The following RGL1 variants were observed in gnomAD, a reference collection of about 807,000 sequenced individuals.
RGL1 encodes the protein ral guanine nucleotide dissociation stimulator-like 1.
RGL1 carries 24 observed loss-of-function variants against 95.2 expected under a neutral mutation model. The observed-to-expected ratio is 0.25, with a 90% CI of 0.18 to 0.35. RGL1 has a LOEUF of 0.35. Among genes scored for constraint, RGL1 ranks in the 10% least tolerant of loss-of-function variants. RGL1 has a pLI of 1.00. For synonymous variants in RGL1, 329 were observed against 344.9 expected, an observed-to-expected ratio of 0.95 and a Z score of 0.51; for missense variants, 715 against 936.3, an observed-to-expected ratio of 0.76 and a Z score of 3.08.
rs145327436 is a variant in RGL1, at chr1:183,708,313, C to T, written c.-32-33813C>T. Among the ~76,000 whole-genome samples, 762 of 152,162 alleles carry T rather than the reference C, an allele frequency of 5.0e-3. 5 individuals carry two copies. The highest frequency in any genetic ancestry group is 0.011 in the Admixed American group (164 of 15,284). Reference sequence around the variant, plus strand: ...GGCCGGAGGGAGATGATAAAAGGAGCGATCGTCACTGCTGCCTTTTTCAAG... The same window carrying T: ...GGCCGGAGGGAGATGATAAAAGGAGTGATCGTCACTGCTGCCTTTTTCAAG... On this transcript the variant is annotated intron_variant, in intron 1 of 18. Transcript: ENST00000304685.
chr1:183,759,155 T>C (rs1247519722), intron 2 of RGL1, among the ~76,000 whole-genome samples: 2 of 152,148 alleles, frequency 1.3e-5, no homozygotes, highest in Admixed American at 1.3e-4. Flanking sequence ...ACAAAGGTTA[T>C]TACACTTGCA....
intron 4 of RGL1, among the ~76,000 whole-genome samples, chr1:183,872,238 A>C (rs1666223268): frequency 6.6e-6 from 1 of 152,222 alleles, no homozygotes; most frequent in Non-Finnish European, 1.5e-5. Flanking sequence ...GAATGTAAAG[A>C]AGGGATATTA....
At chr1:183,791,036 A>C (rs1055518216) in intron 2 of RGL1, among the ~76,000 whole-genome samples, 15 of 152,166 alleles carry the variant, frequency 9.9e-5, no homozygotes, top group Admixed American at 6.5e-5. Flanking sequence ...AGCATTAGCT[A>C]TTCACTCATC....
intron 1 of RGL1, among the ~76,000 whole-genome samples, chr1:183,658,951 TG>T (rs1651403257): frequency 6.6e-6 from 1 of 151,856 alleles, no homozygotes; most frequent in African/African-American, 2.4e-5. Flanking sequence ...AAACAGGGTC[TG>T]GAGTGGACCT....
intron 1 of RGL1, among the ~76,000 whole-genome samples, chr1:183,657,925 A>T (rs956133887): frequency 3.3e-5 from 5 of 152,172 alleles, no homozygotes; most frequent in East Asian, 1.9e-4. Flanking sequence ...AAAGTGTTTC[A>T]ATTTCTCCAC....
intron 13 of RGL1, 123 bp downstream of exon 13, chr1:183,905,094 C>A: frequency 7.9e-7 from 1 of 1,265,684 alleles, no homozygotes; most frequent in Non-Finnish European, 1.1e-6. Flanking sequence ...GGTTCCAGGT[C>A]CTTGGTTTTC....
intron 1 of RGL1, among the ~76,000 whole-genome samples, chr1:183,734,710 A>T (rs569197369): frequency 6.6e-6 from 1 of 152,356 alleles, no homozygotes; most frequent in South Asian, 2.1e-4. Context: ...TGTGATTTAC[A>T]GTTTTGTCTT....
chr1:183,792,701 A>C (rs1660494164), intron 2 of RGL1, among the ~76,000 whole-genome samples: 1 of 152,122 alleles, frequency 6.6e-6, no homozygotes, highest in Non-Finnish European at 1.5e-5. Flanking sequence ...AAGCAACCCC[A>C]TTTATGATAG....
chr1:183,705,015 T>C (rs1654816239), intron 1 of RGL1, among the ~76,000 whole-genome samples: 1 of 152,028 alleles, frequency 6.6e-6, no homozygotes, highest in Admixed American at 6.5e-5. Flanking sequence ...AAAGGTTTGG[T>C]GAGGTCTAGG....
intron 15 of RGL1, among the ~76,000 whole-genome samples, chr1:183,912,524 T>C (rs1019310410): frequency 6.6e-6 from 1 of 152,076 alleles, no homozygotes; most frequent in African/African-American, 2.4e-5. Flanking sequence ...GGCACTGGAG[T>C]TATTTAGGGG....
intron 3 of RGL1, among the ~76,000 whole-genome samples, chr1:183,859,240 G>A (rs114463489): frequency 0.012 from 1,883 of 152,278 alleles, 32 homozygotes; most frequent in African/African-American, 0.043. Flanking sequence ...GCAGGAAACA[G>A]GCCAGAGAAA....
intron 2 of RGL1, among the ~76,000 whole-genome samples, chr1:183,842,752 G>A (rs1664149655): frequency 6.6e-6 from 1 of 152,242 alleles, no homozygotes; most frequent in Admixed American, 6.5e-5. Flanking sequence ...TGCTTTCTAA[G>A]TCTGGGTTAT....
At chr1:183,653,534 C>T (rs1226015358) in intron 1 of RGL1, among the ~76,000 whole-genome samples, 2 of 152,194 alleles carry the variant, frequency 1.3e-5, no homozygotes, top group Non-Finnish European at 2.9e-5. Flanking sequence ...GGGCCTGCTC[C>T]TCAGCACCTT....
At chr1:183,713,025 A>AT (rs761336620) in intron 1 of RGL1, among the ~76,000 whole-genome samples, 4 of 151,474 alleles carry the variant, frequency 2.6e-5, no homozygotes, top group Admixed American at 2.6e-4. Context: ...GGGATGGAGG[A>AT]TTTTTTTTGT....
chr1:183,814,383 A>G (rs2102436733), intron 2 of RGL1, among the ~76,000 whole-genome samples: 1 of 152,218 alleles, frequency 6.6e-6, no homozygotes, highest in East Asian at 1.9e-4. Context: ...TGAGGATAAC[A>G]GTGGTGGTGG....
At chr1:183,682,189 G>A (rs1653265620) in intron 1 of RGL1, among the ~76,000 whole-genome samples, 2 of 152,086 alleles carry the variant, frequency 1.3e-5, no homozygotes, top group South Asian at 2.1e-4. Context: ...TCTGGTCTTA[G>A]TTATTTCTTG....
rs1412850219 is a variant in RGL1 at position 183,682,996 on chromosome 1, C to T, written c.-33+46495C>T. On this transcript the variant is annotated intron_variant, in intron 1 of 18. Transcript: ENST00000304685. ...TCAGAGACGAGGATTGCAACCCCTT[C>T]TTTTTTTTTTTGCTTTCCATTTGCT... 1.1e-4 allele frequency among the ~76,000 whole-genome samples: 16 copies of T among 145,212 alleles called. No individual in the cohort carries two copies. In the Admixed American group the frequency reaches 1.1e-3, roughly 10 times the overall value.
intron 2 of RGL1, among the ~76,000 whole-genome samples, chr1:183,778,398 TA>T (rs1659711144): frequency 1.3e-5 from 2 of 152,036 alleles, no homozygotes; most frequent in Admixed American, 1.3e-4. Flanking sequence ...AGGGAAGACA[TA>T]AAAGAGTAGG....
intron 1 of RGL1, among the ~76,000 whole-genome samples, chr1:183,673,248 G>T (rs1652590372): frequency 6.6e-6 from 1 of 152,202 alleles, no homozygotes; most frequent in Non-Finnish European, 1.5e-5. Context: ...CTGTGAGTGT[G>T]TTTTCAGACC....
Sources: allele counts gnomAD v4.1 joint callset (sites outside exome capture counted in the v4.1 genomes callset), GRCh38; gene constraint gnomAD v4.1.1; transcripts MANE v1.5; gene names NCBI Gene and HGNC (gene_info 2026-07-23, HGNC 2026-07-21).